Variants in ANKDD1A observed in about 807,000 individuals in gnomAD.
ANKDD1A encodes ankyrin repeat and death domain containing 1A, also known as ankyrin repeat and death domain-containing protein 1A.
Under a neutral mutation model 63.5 loss-of-function variants are expected in ANKDD1A, and 59 were observed. That is an observed-to-expected ratio of 0.93 (90% CI 0.75 to 1.15). The LOEUF is 1.15. ANKDD1A is among the 50% of genes most tolerant of loss of function. The pLI is 0.00. For missense variants in ANKDD1A, 632 were observed against 656.4 expected (o/e 0.96, Z 0.41); for synonymous variants, 266 against 263.9 (o/e 1.01, Z -0.08).
At chr15:64,952,899 C>A (rs1566917129) in intron 14 of ANKDD1A, among the ~76,000 whole-genome samples, 10 of 84,906 alleles carry the variant, frequency 1.2e-4, no homozygotes, top group Non-Finnish European at 8.0e-5. Context: ...CTTCCTTCTC[C>A]TTCCTTCTCT....
chr15:64,924,845 G>A (rs375750326), intron 4 of ANKDD1A, among the ~76,000 whole-genome samples: 13 of 152,194 alleles, frequency 8.5e-5, no homozygotes, highest in South Asian at 4.1e-4. Context: ...AAAATCATCC[G>A]TCCAGGGCTA....
At chr15:64,922,115 T>A (rs1403592087) in intron 4 of ANKDD1A, 96 bp downstream of exon 4, 6 of 954,870 alleles carry the variant, frequency 6.3e-6, no homozygotes, top group African/African-American at 3.4e-5. Context: ...TGCTTGCCCC[T>A]CCAGCCCCCA....
At chr15:64,943,753 C>A in intron 11 of ANKDD1A, 171 bp downstream of exon 11, 1 of 644,438 alleles carries the variant, frequency 1.6e-6, no homozygotes, top group Non-Finnish European at 2.8e-6. Context: ...GACCTTCCAC[C>A]ACCTTCCCCT....
At chr15:64,916,710 G>A (rs867688914) in intron 2 of ANKDD1A, among the ~76,000 whole-genome samples, 1 of 152,242 alleles carries the variant, frequency 6.6e-6, no homozygotes, top group Non-Finnish European at 1.5e-5. Context: ...GAGGTAGGAA[G>A]GAGCAGCTGG....
intron 9 of ANKDD1A, among the ~76,000 whole-genome samples, chr15:64,938,676 A>G (rs1211025716): frequency 6.6e-6 from 1 of 152,138 alleles, no homozygotes; most frequent in South Asian, 2.1e-4. Context: ...TAAGGGCCAG[A>G]CGCAGTGGCT....
chr15:64,948,441 T>C (rs1315325920), intron 13 of ANKDD1A, among the ~76,000 whole-genome samples: 1 of 152,140 alleles, frequency 6.6e-6, no homozygotes, highest in Non-Finnish European at 1.5e-5. Flanking sequence ...TAAACAGGGA[T>C]ATAAAAGTGA....
rs2085010631 is a variant in ANKDD1A, at chr15:64,922,004, C to T, written c.351C>T (p.Ile117=). Residue 117 remains isoleucine (I), a synonymous_variant, in exon 4 of 15, where the codon ATC becomes ATT. Transcript: ENST00000319580. ...TCTTGGTAAACTCAGGGGCCAAGAT[C>T]CACTGTGAGAGCAAGGTAAGGCCTC... is the stretch of plus-strand genomic sequence containing the variant. ...LQILVNSGAK[I]HCESKDGLTL... The T allele has an allele frequency of 6.2e-7, 1 of 1,614,050 alleles. No individual in the cohort carries two copies. Among genetic ancestry groups the T allele is most frequent in the Non-Finnish European group, 8.5e-7 (1 of 1,180,018 alleles).
intron 1 of ANKDD1A, among the ~76,000 whole-genome samples, chr15:64,914,775 G>A (rs1033615380): frequency 1.3e-5 from 2 of 151,938 alleles, no homozygotes; most frequent in African/African-American, 4.8e-5. Flanking sequence ...CTCCGGTGGG[G>A]ATCATCTGGA....
chr15:64,919,407 T>C (rs1240689992), intron 3 of ANKDD1A, among the ~76,000 whole-genome samples: 1 of 152,248 alleles, frequency 6.6e-6, no homozygotes, highest in East Asian at 1.9e-4. Context: ...TCTTCGGCTC[T>C]AGTTAAGGCC....
intron 3 of ANKDD1A, among the ~76,000 whole-genome samples, chr15:64,920,971 C>T (rs1239521550): frequency 4.0e-5 from 6 of 151,868 alleles, no homozygotes; most frequent in African/African-American, 1.2e-4. Context: ...GTTTTTTTGT[C>T]TTTGTTTGTT....
chr15:64,934,217 G>A lies in ANKDD1A; in HGVS notation c.850G>A (p.Ala284Thr), dbSNP rs756222100. The A allele has an allele frequency of 2.2e-5, 36 of 1,611,606 alleles. No individual in the cohort carries two copies. The highest frequency in any genetic ancestry group is 3.0e-5 in the Non-Finnish European group (35 of 1,178,882). Reference protein sequence around the residue: ...SRVLIHAGGCANVVDHQGASP... With the variant: ...SRVLIHAGGCTNVVDHQGASP... Reference sequence around the variant, plus strand: ...GGTCCTCATCCACGCAGGAGGCTGCGCCAACGTGGTTGATCATGTAAGTAT... The same window carrying A: ...GGTCCTCATCCACGCAGGAGGCTGCACCAACGTGGTTGATCATGTAAGTAT... Residue 284 changes from alanine to threonine, a missense_variant, in exon 9 of 15, where the codon GCC (alanine) becomes ACC (threonine). Transcript: ENST00000319580.
intron 14 of ANKDD1A, among the ~76,000 whole-genome samples, chr15:64,952,698 CT>C (rs2085317503): frequency 7.8e-6 from 1 of 128,924 alleles, no homozygotes; most frequent in Admixed American, 8.8e-5. Context: ...CCTTTTTCTT[CT>C]TAGTTCTTCT....
rs1324200000 is a variant in ANKDD1A at position 64,950,741 on chromosome 15, C to A, written c.1483+769C>A. ...AAAAGAAAGGACCGCCCCCCCCCCC[C>A]CCCCCCCCCATAGCTGCTATAGGCA... On this transcript the variant is annotated intron_variant, in intron 14 of 14. Transcript: ENST00000319580. 22 of 877,360 alleles carry A rather than the reference C, an allele frequency of 2.5e-5. 2 individuals are homozygous for A. The highest frequency in any genetic ancestry group is 2.7e-5 in the Non-Finnish European group (20 of 753,100). 54.3% of individuals were successfully genotyped at this position (877,360 alleles called of 1,614,324 possible).
chr15:64,954,862 TCTCCTTTTCTTCTTC>T (rs1387045738), intron 14 of ANKDD1A, among the ~76,000 whole-genome samples: 297 of 14,336 alleles, frequency 0.021, 1 homozygote, highest in Non-Finnish European at 0.086. Context: ...TCTTCTTTCT[TCTCCTTTTCTTCTTC>T]CTTCTCCTCC....
chr15:64,951,269 ATTTCTTCTTCTTTTTCT>A (rs1168658969), intron 14 of ANKDD1A: 1 of 789,248 alleles, frequency 1.3e-6, no homozygotes, highest in African/African-American at 3.1e-5. Context: ...CACTTTGTTT[ATTTCTTCTTCTTTTTCT>A]TTTCTTCTTC....
chr15:64,952,781 CCTT>C (rs1444560832), intron 14 of ANKDD1A, among the ~76,000 whole-genome samples: 1 of 24,396 alleles, frequency 4.1e-5, no homozygotes, highest in Non-Finnish European at 2.0e-4. Flanking sequence ...TTTTCTTCTT[CCTT>C]CTCCTTCTTC....
rs1353118035 is a variant in ANKDD1A, at chr15:64,953,968, TTC to T, written c.1484-3133_1484-3132del. On this transcript the variant is annotated intron_variant, in intron 14 of 14. Transcript: ENST00000319580. ...TCTTCTTCTATTGTTTCTTTTTTTCTTCTTTCTTCCTCTATCTTCTTCCTTTC... is the reference window on the plus strand; with the variant it reads ...TCTTCTTCTATTGTTTCTTTTTTTCTTTTCTTCCTCTATCTTCTTCCTTTC... Among the ~76,000 whole-genome samples, 4 of 21,544 alleles carry T rather than the reference TTC, an allele frequency of 1.9e-4. No individual in the cohort carries two copies. The Admixed American group carries it at 3.1e-3, about 16-fold the overall frequency. 14.1% of individuals were successfully genotyped at this position (21,544 alleles called of 152,430 possible).
intron 6 of ANKDD1A, among the ~76,000 whole-genome samples, chr15:64,930,448 C>T (rs2085080625): frequency 6.6e-6 from 1 of 152,072 alleles, no homozygotes; most frequent in Non-Finnish European, 1.5e-5. Context: ...ACTAACGTCT[C>T]ACACAAAGAC....
At chr15:64,951,551 C>CCT (rs1432736151) in intron 14 of ANKDD1A, 7 of 11,744 alleles carry the variant, frequency 6.0e-4, no homozygotes, top group Admixed American at 3.5e-3. Context: ...TCTTTCTTCT[C>CCT]TTCTTTCTTT....
Sources: allele counts gnomAD v4.1 joint callset (sites outside exome capture counted in the v4.1 genomes callset), GRCh38; gene constraint gnomAD v4.1.1; transcripts MANE v1.5; gene names NCBI Gene and HGNC (gene_info 2026-07-23, HGNC 2026-07-21).